The following RARB variants were observed in gnomAD, a reference collection of about 807,000 sequenced individuals.
RARB encodes the protein HBV-activated protein.
RARB carries 17 observed loss-of-function variants against 51.9 expected under a neutral mutation model. That is an observed-to-expected ratio of 0.33 (90% confidence interval 0.22 to 0.49). The LOEUF (loss-of-function observed/expected upper bound fraction) is 0.49. Among genes scored for constraint, RARB ranks in the 20% least tolerant of loss-of-function variants. RARB has a pLI of 0.99. For missense variants in RARB, 369 were observed against 550.8 expected (o/e 0.67, Z 3.30); for synonymous variants, 215 against 195.4 (o/e 1.10, Z -0.84).
intron 2 of RARB, among the ~76,000 whole-genome samples, chr3:24,868,198 C>G (rs1702885397): frequency 6.6e-6 from 1 of 152,064 alleles, no homozygotes; most frequent in African/African-American, 2.4e-5. Context: ...GGGTGTTAGC[C>G]TGTTTTAAAA....
chr3:25,175,115 T>C (rs1032107846), intron 5 of RARB, among the ~76,000 whole-genome samples: 1 of 152,242 alleles, frequency 6.6e-6, no homozygotes, highest in Non-Finnish European at 1.5e-5. Flanking sequence ...ACTAGCTATT[T>C]CTTATCCCAG....
intron 3 of RARB, among the ~76,000 whole-genome samples, chr3:25,552,914 G>A (rs554314382): frequency 6.6e-6 from 1 of 152,242 alleles, no homozygotes; most frequent in Admixed American, 6.5e-5. Flanking sequence ...ATTTTATGTA[G>A]CAGATCTGTT....
intron 1 of RARB, among the ~76,000 whole-genome samples, chr3:24,835,947 AC>A (rs1006578697): frequency 2.0e-5 from 3 of 152,204 alleles, no homozygotes; most frequent in African/African-American, 7.2e-5. Context: ...CAACGTGGTT[AC>A]TGGGGAAGCC....
chr3:25,228,775 A>T (rs1326336595), intron 5 of RARB, among the ~76,000 whole-genome samples: 1 of 152,084 alleles, frequency 6.6e-6, no homozygotes, highest in African/African-American at 2.4e-5. Context: ...ACATGCAGGA[A>T]GTAAGTTGAG....
At chr3:25,169,924 G>A (rs1408253331) in intron 4 of RARB, among the ~76,000 whole-genome samples, 1 of 151,334 alleles carries the variant, frequency 6.6e-6, no homozygotes, top group Admixed American at 6.6e-5. Flanking sequence ...GGTGTTTGAG[G>A]CTGCAGGGAA....
chr3:25,549,330 G>A (rs1225123433), intron 3 of RARB, among the ~76,000 whole-genome samples: 1 of 152,148 alleles, frequency 6.6e-6, no homozygotes, highest in Non-Finnish European at 1.5e-5. Context: ...GAGAAATTCA[G>A]AAGCTCTGAA....
intron 5 of RARB, among the ~76,000 whole-genome samples, chr3:25,258,241 C>T (rs1432433280): frequency 6.6e-6 from 1 of 152,056 alleles, no homozygotes; most frequent in Admixed American, 6.6e-5. Flanking sequence ...AAGATGATTT[C>T]CATATGGGGA....
rs570645689 is a variant in RARB at position 25,206,173 on chromosome 3, A to G, written c.178+31598A>G. ...ATGGCTAAATGTTTTCTCAAGTTCT[A>G]TTTTCCAGCTGTAATAATATTTCAT... On this transcript the variant is annotated intron_variant, in intron 5 of 11. Coordinates refer to the RARB transcript ENST00000383772. Among the ~76,000 whole-genome samples the G allele has an allele frequency of 1.3e-4, 20 of 152,226 alleles. No individual in the cohort carries two copies. In the South Asian group the frequency reaches 3.3e-3, roughly 25 times the overall value.
rs373578406 is a variant in RARB, at chr3:24,948,460, C to G, written c.-380+89708C>G. On this transcript the variant is annotated intron_variant, in intron 2 of 11. Transcript: ENST00000383772. ...AGATGTTTGTTTATGCCCATCCTTT[C>G]TATCAAGTTCCTTTCTTTTAGGCTA... Among the ~76,000 whole-genome samples, 45 of 152,328 alleles carry G rather than the reference C, an allele frequency of 3.0e-4. 1 individual carries two copies. The South Asian group carries it at 9.3e-3, about 32-fold the overall frequency.
In RARB at chr3:25,559,428, A is replaced by T. The variant is rs1208722890; in HGVS notation, c.449-10330A>T. Among the ~76,000 whole-genome samples the T allele has an allele frequency of 5.9e-5, 9 of 152,214 alleles. No individual in the cohort carries two copies. The Middle Eastern group carries it at 0.01, about 173-fold the overall frequency. On this transcript the variant is annotated intron_variant, in intron 3 of 7. Transcript: ENST00000330688. Reference sequence around the variant, plus strand: ...AGTACCATCTTACAACCTGTCCCTTAGGTTTTGAATTCATATTGCTTGAGT... The same window carrying T: ...AGTACCATCTTACAACCTGTCCCTTTGGTTTTGAATTCATATTGCTTGAGT...
intron 5 of RARB, among the ~76,000 whole-genome samples, chr3:25,175,616 T>C (rs1319045064): frequency 6.6e-6 from 1 of 152,128 alleles, no homozygotes; most frequent in Non-Finnish European, 1.5e-5. Flanking sequence ...CCTTCAAAAA[T>C]AGTAGGGGAT....
intron 2 of RARB, among the ~76,000 whole-genome samples, chr3:25,476,696 C>T (rs993062196): frequency 1.3e-5 from 2 of 152,186 alleles, no homozygotes; most frequent in African/African-American, 4.8e-5. Context: ...GGGCCTACAA[C>T]TGTCCCATTC....
intron 5 of RARB, among the ~76,000 whole-genome samples, chr3:25,198,966 G>A (rs773756366): frequency 4.6e-5 from 7 of 151,812 alleles, no homozygotes; most frequent in South Asian, 4.1e-4. Flanking sequence ...AAAGGAAATC[G>A]GTATATTGAA....
chr3:24,868,495 G>T (rs751470700), intron 2 of RARB, among the ~76,000 whole-genome samples: 3 of 152,014 alleles, frequency 2.0e-5, no homozygotes, highest in Admixed American at 6.6e-5. Context: ...AAATGTTAAG[G>T]CTCCTTAACC....
chr3:24,880,299 G>C (rs1471315991), intron 2 of RARB, among the ~76,000 whole-genome samples: 1 of 151,870 alleles, frequency 6.6e-6, no homozygotes, highest in Non-Finnish European at 1.5e-5. Flanking sequence ...GAAAGGGCTT[G>C]GGGAAAGGGA....
At chr3:25,080,372 G>T (rs1013604122) in intron 3 of RARB, among the ~76,000 whole-genome samples, 1 of 152,132 alleles carries the variant, frequency 6.6e-6, no homozygotes, top group Non-Finnish European at 1.5e-5. Context: ...TTAGCTATTT[G>T]AATAATGCTG....
intron 2 of RARB, among the ~76,000 whole-genome samples, chr3:24,995,537 C>CGTT (rs1697002982): frequency 6.6e-6 from 1 of 151,944 alleles, no homozygotes; most frequent in Non-Finnish European, 1.5e-5. Flanking sequence ...GGCATTCTTA[C>CGTT]GTTGTTTCAG....
chr3:25,126,598 G>C (rs1699864455), intron 3 of RARB, among the ~76,000 whole-genome samples: 1 of 152,042 alleles, frequency 6.6e-6, no homozygotes, highest in Non-Finnish European at 1.5e-5. Context: ...TGATTCAATG[G>C]GTCTGGAGTG....
intron 2 of RARB, among the ~76,000 whole-genome samples, chr3:24,943,102 C>G (rs999556667): frequency 6.6e-6 from 1 of 152,170 alleles, no homozygotes; most frequent in Non-Finnish European, 1.5e-5. Context: ...GACACCAAGA[C>G]AGTTTCTTGA....
Sources: allele counts gnomAD v4.1 joint callset (sites outside exome capture counted in the v4.1 genomes callset), GRCh38; gene constraint gnomAD v4.1.1; transcripts MANE v1.5; gene names NCBI Gene and HGNC (gene_info 2026-07-23, HGNC 2026-07-21).